The following DOCK7 variants were observed in gnomAD, a reference collection of about 807,000 sequenced individuals.
The protein encoded by DOCK7 is dedicator of cytokinesis 7.
In DOCK7, 138 loss-of-function variants were observed where a neutral mutation model predicts 271.0. That is an observed-to-expected ratio of 0.51 (90% confidence interval 0.44 to 0.59). The LOEUF (loss-of-function observed/expected upper bound fraction) is 0.59. Ranked by LOEUF, DOCK7 falls within the 20% of genes least tolerant of loss-of-function variation. The probability of loss-of-function intolerance (pLI) is 0.00; values close to 1 mark genes in which losing one functional copy is unlikely to be tolerated. For missense variants in DOCK7, 2,066 were observed against 2,592.4 expected (o/e 0.80, Z 4.41); for synonymous variants, 823 against 876.1 (o/e 0.94, Z 1.07).
At chr1:62,461,532 T>C (rs1645526258) in intron 48 of DOCK7, among the ~76,000 whole-genome samples, 1 of 151,390 alleles carries the variant, frequency 6.6e-6, no homozygotes, top group South Asian at 2.1e-4. Flanking sequence ...TTAGGTATAG[T>C]GGTGAACACC....
At chr1:62,492,095 T>C (rs571789011) in intron 41 of DOCK7, among the ~76,000 whole-genome samples, 205 of 152,068 alleles carry the variant, frequency 1.3e-3, no homozygotes, top group African/African-American at 4.7e-3. Flanking sequence ...CCTGTGCCCC[T>C]GTATTCCCAG....
At chr1:62,606,597 A>T (rs1400845449) in intron 14 of DOCK7, among the ~76,000 whole-genome samples, 2 of 152,060 alleles carry the variant, frequency 1.3e-5, no homozygotes, top group Admixed American at 1.3e-4. Flanking sequence ...AATAATAAGA[A>T]TATCTTTTTT....
intron 18 of DOCK7, among the ~76,000 whole-genome samples, chr1:62,562,233 CTTTTTTT>C (rs59893499): frequency 8.2e-6 from 1 of 121,214 alleles, no homozygotes; most frequent in Middle Eastern, 5.1e-3. Context: ...GATCCAAAAA[CTTTTTTT>C]TTTTTTTTTG....
chr1:62,645,742 A>C (rs1656570040), intron 7 of DOCK7, among the ~76,000 whole-genome samples: 1 of 152,238 alleles, frequency 6.6e-6, no homozygotes, highest in Non-Finnish European at 1.5e-5. Context: ...ATACCTCAAT[A>C]AAGCTATTTT....
At chr1:62,459,541 C>A (rs2813926) in intron 48 of DOCK7, among the ~76,000 whole-genome samples, 149,828 of 152,278 alleles carry the variant, frequency 0.98, 73,759 homozygotes, top group Middle Eastern at 1. Flanking sequence ...TGTACAATTT[C>A]ATACAAAAAA....
intron 16 of DOCK7, among the ~76,000 whole-genome samples, chr1:62,579,695 GAAAAAAAAA>G (rs34924913): frequency 3.1e-5 from 2 of 63,888 alleles, no homozygotes; most frequent in East Asian, 5.5e-4. Flanking sequence ...GAGTGAGACC[GAAAAAAAAA>G]AAAAAAAAAA....
intron 1 of DOCK7, among the ~76,000 whole-genome samples, chr1:62,679,529 C>T (rs1015434048): frequency 1.3e-5 from 2 of 152,030 alleles, no homozygotes; most frequent in Non-Finnish European, 2.9e-5. Context: ...TTCAAATCAT[C>T]AATAAACATA....
At chr1:62,663,279 T>C in intron 1 of DOCK7, 149 bp from the exon 2 acceptor site, 2 of 626,270 alleles carry the variant, frequency 3.2e-6, no homozygotes, top group South Asian at 4.1e-5. Context: ...TCGTAAAATA[T>C]TTTAGGAAAT....
intron 27 of DOCK7, among the ~76,000 whole-genome samples, chr1:62,538,772 C>T (rs1645431578): frequency 6.6e-6 from 1 of 152,284 alleles, no homozygotes; most frequent in South Asian, 2.1e-4. Flanking sequence ...ACTATTAGTT[C>T]CCTAAAACTA....
chr1:62,471,487 C>T (rs1645829564), intron 48 of DOCK7, among the ~76,000 whole-genome samples: 1 of 152,118 alleles, frequency 6.6e-6, no homozygotes, highest in African/African-American at 2.4e-5. Flanking sequence ...CATAGCGAGA[C>T]TTCATCTCTA....
chr1:62,463,595 C>T (rs950735686), intron 48 of DOCK7, among the ~76,000 whole-genome samples: 2 of 152,134 alleles, frequency 1.3e-5, no homozygotes. Flanking sequence ...ATGAATAAAT[C>T]ATGGCATATT....
At chr1:62,668,004 A>G (rs1469599551) in intron 1 of DOCK7, among the ~76,000 whole-genome samples, 1 of 152,148 alleles carries the variant, frequency 6.6e-6, no homozygotes, top group Admixed American at 6.6e-5. Flanking sequence ...TGGGCAACAG[A>G]GCAAGACTCC....
chr1:62,570,184 G>A (rs1439038793), intron 18 of DOCK7, among the ~76,000 whole-genome samples: 1 of 152,212 alleles, frequency 6.6e-6, no homozygotes, highest in East Asian at 1.9e-4. Flanking sequence ...TTCTTAAGCT[G>A]ATAAGCAACT....
At chr1:62,659,492 T>G (rs1658421690) in intron 2 of DOCK7, among the ~76,000 whole-genome samples, 1 of 151,312 alleles carries the variant, frequency 6.6e-6, no homozygotes, top group Non-Finnish European at 1.5e-5. Context: ...AACAGAGAGA[T>G]GAAAAATAGA....
At chr1:62,497,336 CAT>C (rs545912960) in intron 37 of DOCK7, among the ~76,000 whole-genome samples, 103 of 152,272 alleles carry the variant, frequency 6.8e-4, no homozygotes, top group African/African-American at 2.2e-3. Context: ...AGTATATACA[CAT>C]GTTTCTGTCT....
chr1:62,634,634 T>C, intron 9 of DOCK7, 139 bp downstream of exon 9: 1 of 829,472 alleles, frequency 1.2e-6, no homozygotes, highest in Non-Finnish European at 1.9e-6. Context: ...CTACTGTGTA[T>C]GTCCAATATT....
chr1:62,560,997 C>G (rs1456900913), intron 19 of DOCK7, among the ~76,000 whole-genome samples: 1 of 152,016 alleles, frequency 6.6e-6, no homozygotes, highest in African/African-American at 2.4e-5. Flanking sequence ...GTGTTATATA[C>G]ATACACACAA....
chr1:62,554,343 G>C (rs939235441), intron 21 of DOCK7, among the ~76,000 whole-genome samples: 1 of 151,862 alleles, frequency 6.6e-6, no homozygotes, highest in Admixed American at 6.6e-5. Flanking sequence ...GTGGTGGCAG[G>C]CACCTGTAGT....
At chr1:62,469,325 A>G (rs1284069108) in intron 48 of DOCK7, among the ~76,000 whole-genome samples, 1 of 152,232 alleles carries the variant, frequency 6.6e-6, no homozygotes. Flanking sequence ...TGAGGAAAGG[A>G]CACCCTATTC....
Sources: gnomAD v4.1 joint callset for allele counts (sites outside exome capture counted in the v4.1 genomes callset) on GRCh38, gnomAD v4.1.1 for gene constraint, MANE v1.5 for transcripts, NCBI Gene and HGNC (gene_info 2026-07-23, HGNC 2026-07-21) for gene names.